The following EXOC4 variants were observed in gnomAD, a reference collection of about 807,000 sequenced individuals.
EXOC4 encodes the protein SEC8-like 1.
In EXOC4, 71 loss-of-function variants were observed where a neutral mutation model predicts 107.2. That is an observed-to-expected ratio of 0.66 (90% CI 0.55 to 0.81). The LOEUF is 0.81. Ranked by LOEUF, EXOC4 falls within the 30% of genes least tolerant of loss-of-function variation. The pLI, the probability that EXOC4 is intolerant of heterozygous loss-of-function variation, is 0.00. For missense variants in EXOC4, 1,108 were observed against 1,189.6 expected (o/e 0.93, Z 1.01); for synonymous variants, 456 against 441.2 (o/e 1.03, Z -0.42).
At chr7:133,933,995 ATATT>A (rs765575563) in intron 13 of EXOC4, among the ~76,000 whole-genome samples, 37 of 152,148 alleles carry the variant, frequency 2.4e-4, no homozygotes, top group Non-Finnish European at 2.6e-4. Flanking sequence ...TTCTGCTCAT[ATATT>A]TATTTATTTT....
At chr7:134,001,083 A>T (rs1356758231) in intron 15 of EXOC4, among the ~76,000 whole-genome samples, 1 of 152,170 alleles carries the variant, frequency 6.6e-6, no homozygotes, top group African/African-American at 2.4e-5. Flanking sequence ...CCCTTTCCAC[A>T]GTTTGAAGCA....
At chr7:133,858,870 A>G (rs1798474384) in intron 11 of EXOC4, among the ~76,000 whole-genome samples, 1 of 152,126 alleles carries the variant, frequency 6.6e-6, no homozygotes, top group African/African-American at 2.4e-5. Context: ...AGCAAGTGGC[A>G]TCTTGTTGCA....
intron 14 of EXOC4, among the ~76,000 whole-genome samples, chr7:133,964,493 G>T (rs1363102799): frequency 6.6e-6 from 1 of 151,850 alleles, no homozygotes; most frequent in Non-Finnish European, 1.5e-5. Flanking sequence ...CCGACCTCCC[G>T]ACAGGCCCCA....
chr7:133,481,491 T>A (rs1252246755), intron 9 of EXOC4, among the ~76,000 whole-genome samples: 1 of 152,214 alleles, frequency 6.6e-6, no homozygotes. Flanking sequence ...CAAAACACTA[T>A]GAAGTAACCA....
At chr7:133,661,672 T>TAAAAATAAAAAAAAAAA (rs1793683277) in intron 10 of EXOC4, among the ~76,000 whole-genome samples, 1 of 13,450 alleles carries the variant, frequency 7.4e-5, no homozygotes, top group African/African-American at 2.7e-4. Flanking sequence ...TCCTTAAAAC[T>TAAAAATAAAAAAAAAAA]AAAAAAAAAA....
At chr7:133,433,987 A>G (rs944941888) in intron 7 of EXOC4, among the ~76,000 whole-genome samples, 1 of 152,234 alleles carries the variant, frequency 6.6e-6, no homozygotes, top group South Asian at 2.1e-4. Flanking sequence ...ACACAAAGAT[A>G]GTATCTTTAA....
At chr7:133,357,600 A>G (rs1330275336) in intron 6 of EXOC4, among the ~76,000 whole-genome samples, 1 of 152,198 alleles carries the variant, frequency 6.6e-6, no homozygotes, top group African/African-American at 2.4e-5. Context: ...AATCTTGTAG[A>G]TACGTTGTTA....
At chr7:133,899,933 G>A (rs1352475767) in intron 12 of EXOC4, among the ~76,000 whole-genome samples, 2 of 151,930 alleles carry the variant, frequency 1.3e-5, no homozygotes, top group African/African-American at 4.8e-5. Flanking sequence ...ATTTAGTAGA[G>A]ATGGAGTTTC....
intron 10 of EXOC4, 62 bp downstream of exon 10, chr7:133,630,203 A>C (rs1031767111): frequency 1.0e-5 from 13 of 1,282,636 alleles, no homozygotes; most frequent in Middle Eastern, 1.9e-4. Context: ...ATGCTGGTCT[A>C]CTGAATGCCA....
intron 9 of EXOC4, among the ~76,000 whole-genome samples, chr7:133,522,883 A>G (rs1006318495): frequency 1.1e-4 from 17 of 152,178 alleles, no homozygotes; most frequent in African/African-American, 3.6e-4. Context: ...TGATATGACC[A>G]TATAAAAACC....
chr7:133,273,377 G>GTT (rs1684146982), intron 1 of EXOC4, among the ~76,000 whole-genome samples: 8 of 152,168 alleles, frequency 5.3e-5, no homozygotes, highest in Admixed American at 5.2e-4. Context: ...AAGTAGTCTG[G>GTT]TTTAGGGTCA....
chr7:133,635,211 A>C (rs1212209045), intron 10 of EXOC4, among the ~76,000 whole-genome samples: 2 of 152,208 alleles, frequency 1.3e-5, no homozygotes, highest in African/African-American at 4.8e-5. Flanking sequence ...AATGAAGTAC[A>C]TTTTATTGCA....
At chr7:133,800,279 A>G (rs951602350) in intron 10 of EXOC4, among the ~76,000 whole-genome samples, 1 of 152,194 alleles carries the variant, frequency 6.6e-6, no homozygotes, top group Admixed American at 6.5e-5. Context: ...GTAGATTTAT[A>G]TATTACTTGT....
intron 10 of EXOC4, among the ~76,000 whole-genome samples, chr7:133,668,937 TG>T (rs917718332): frequency 1.3e-5 from 2 of 150,298 alleles, no homozygotes; most frequent in African/African-American, 4.9e-5. Flanking sequence ...GAGGAGGTGA[TG>T]GGGGTCTGAG....
At chr7:134,048,802 T>C (rs779404557) in intron 17 of EXOC4, among the ~76,000 whole-genome samples, 10 of 152,176 alleles carry the variant, frequency 6.6e-5, no homozygotes, top group Admixed American at 2.0e-4. Context: ...TTGATTTTGT[T>C]TAGCTACAAG....
chr7:133,893,328 G>A lies in EXOC4; in HGVS notation c.1735-2271G>A, dbSNP rs370390343. 4.8e-5 allele frequency among the ~76,000 whole-genome samples: 4 copies of A among 83,220 alleles called. 2 individuals carry two copies. The highest frequency in any genetic ancestry group is 8.4e-5 in the Non-Finnish European group (4 of 47,702). 54.6% of individuals were successfully genotyped at this position (83,220 alleles called of 152,430 possible). On this transcript the variant is annotated intron_variant, in intron 11 of 17. Transcript: ENST00000253861. Reference sequence around the variant, plus strand: ...TTTGAGCCTATGTGTGTCTCTGCACGTAAGATGGGTTTCCTGAATATAGCA... The same window carrying A: ...TTTGAGCCTATGTGTGTCTCTGCACATAAGATGGGTTTCCTGAATATAGCA...
intron 15 of EXOC4, among the ~76,000 whole-genome samples, chr7:134,000,499 G>T (rs1027150086): frequency 2.6e-5 from 4 of 152,060 alleles, no homozygotes; most frequent in Admixed American, 2.0e-4. Flanking sequence ...TTAAGAATTA[G>T]TTGGTTTGAA....
intron 7 of EXOC4, among the ~76,000 whole-genome samples, chr7:133,470,223 T>A (rs777019148): frequency 3.9e-5 from 6 of 152,170 alleles, no homozygotes; most frequent in Non-Finnish European, 8.8e-5. Flanking sequence ...CCTATGACTC[T>A]CATATTTATT....
chr7:133,816,832 A>AT (rs1797381097), intron 10 of EXOC4, among the ~76,000 whole-genome samples: 1 of 152,144 alleles, frequency 6.6e-6, no homozygotes, highest in African/African-American at 2.4e-5. Flanking sequence ...CAGGAGGCGG[A>AT]GCTCAGGTGG....
Sources: gnomAD v4.1 joint callset for allele counts (sites outside exome capture counted in the v4.1 genomes callset) on GRCh38, gnomAD v4.1.1 for gene constraint, MANE v1.5 for transcripts, NCBI Gene and HGNC (gene_info 2026-07-23, HGNC 2026-07-21) for gene names.